The following ANKFN1 variants were observed in gnomAD, a reference collection of about 807,000 sequenced individuals.
ANKFN1 encodes ankyrin repeat and fibronectin type III domain containing 1.
Under a neutral mutation model 108.7 loss-of-function variants are expected in ANKFN1, and 74 were observed. The observed-to-expected ratio is 0.68, with a 90% CI of 0.56 to 0.83. ANKFN1 has a LOEUF of 0.83. Ranked by LOEUF, ANKFN1 falls within the 40% of genes least tolerant of loss-of-function variation. ANKFN1 has a pLI of 0.00. For missense variants in ANKFN1, 1,505 were observed against 1,382.3 expected, an observed-to-expected ratio of 1.09 and a Z score of -1.41; for synonymous variants, 547 against 516.2, an observed-to-expected ratio of 1.06 and a Z score of -0.81.
In ANKFN1 at chr17:56,374,534, G is replaced by A. The variant is rs2046894281; in HGVS notation, c.797-67G>A. The A allele has an allele frequency of 3.4e-6, 4 of 1,167,074 alleles. No individual in the cohort carries two copies. The South Asian group carries it at 5.2e-5, about 15-fold the overall frequency. The allele number at this position is 1,167,074 out of a possible 1,614,324, so 72.3% of individuals were successfully genotyped here. The stretch of plus-strand genomic sequence containing the variant: ...TATTCATTTCAGGGTATCCTTTGAA[G>A]AGGGAGGAACGTTGTTTGAAAAGGA... On this transcript the variant is annotated intron_variant, in intron 7 of 20. Coordinates refer to ENST00000682825, the MANE Select transcript of ANKFN1 (RefSeq NM_001370326.1).
chr17:56,105,300 A>C (rs1905723564), intron 4 of ANKFN1, among the ~76,000 whole-genome samples: 2 of 152,178 alleles, frequency 1.3e-5, no homozygotes, highest in African/African-American at 4.8e-5. Flanking sequence ...CTGAGAGGAC[A>C]GGCAGAGGAC....
rs967823658 is a variant in ANKFN1 at position 56,512,762 on chromosome 17, C to T, written c.*1493C>T. 6.6e-6 allele frequency among the ~76,000 whole-genome samples: 1 copy of T among 152,176 alleles called. No individual in the cohort carries two copies. Among genetic ancestry groups the T allele is most frequent in the Non-Finnish European group, 1.5e-5 (1 of 68,028 alleles). On this transcript the variant is annotated 3_prime_UTR_variant, in exon 21 of 21. Coordinates refer to ENST00000682825, the MANE Select transcript of ANKFN1 (RefSeq NM_001370326.1). ...CCCTGTTCACAATGTTATTCTGATCCCTTCCATTTTAAAAACATTTGATTT... is the reference window on the plus strand; with the variant it reads ...CCCTGTTCACAATGTTATTCTGATCTCTTCCATTTTAAAAACATTTGATTT...
intron 3 of ANKFN1, among the ~76,000 whole-genome samples, chr17:56,268,243 G>T (rs984930137): frequency 6.6e-6 from 1 of 152,062 alleles, no homozygotes; most frequent in African/African-American, 2.4e-5. Context: ...CTCTTGGACC[G>T]CAGCACAATA....
At chr17:56,457,032 A>G (rs1453043997) in intron 12 of ANKFN1, 72 bp downstream of exon 12, 2 of 1,403,434 alleles carry the variant, frequency 1.4e-6, no homozygotes, top group African/African-American at 2.9e-5. Flanking sequence ...CTGAGTAGAA[A>G]CTTGGTAGAA....
chr17:56,353,912 A>T lies in ANKFN1; in HGVS notation c.467A>T (p.Gln156Leu). The T allele has an allele frequency of 1.2e-6, 2 of 1,614,046 alleles. No homozygotes were observed. Among genetic ancestry groups the T allele is most frequent in the Non-Finnish European group, 1.7e-6 (2 of 1,179,970 alleles). Residue 156 changes from glutamine (Q) to leucine (L), a missense_variant, in exon 6 of 21, where the codon CAG becomes CTG. Physicochemically the swap from Gln to Leu is moderately radical, Grantham distance 113. Transcript: ENST00000682825. Reference protein sequence around the residue: ...DMDAVQILLYQYTPEELDLNT... With the variant: ...DMDAVQILLYLYTPEELDLNT... ...GATGCTGTGCAGATCCTCCTGTATC[A>T]GTACACACCAGAAGAACTTGACCTC...
intron 19 of ANKFN1, among the ~76,000 whole-genome samples, chr17:56,498,113 A>T (rs1389857555): frequency 6.6e-6 from 1 of 152,180 alleles, no homozygotes; most frequent in African/African-American, 2.4e-5. Flanking sequence ...ATCAAAATGG[A>T]ACAACCTAAA....
chr17:56,190,380 T>C (rs1210817498), intron 1 of ANKFN1, among the ~76,000 whole-genome samples: 1 of 111,320 alleles, frequency 9.0e-6, no homozygotes, highest in Non-Finnish European at 1.8e-5. Context: ...ACACACTGCT[T>C]TGAATGCGTC....
At chr17:56,259,108 A>G (rs1052679856) in intron 3 of ANKFN1, among the ~76,000 whole-genome samples, 1 of 152,112 alleles carries the variant, frequency 6.6e-6, no homozygotes, top group African/African-American at 2.4e-5. Context: ...AGGTACTATT[A>G]TCTCCATTTT....
intron 4 of ANKFN1, among the ~76,000 whole-genome samples, chr17:56,334,190 T>C (rs1392243159): frequency 6.6e-6 from 1 of 152,090 alleles, no homozygotes; most frequent in Non-Finnish European, 1.5e-5. Context: ...TTTACGCTGA[T>C]TTAAAGAAGG....
intron 19 of ANKFN1, among the ~76,000 whole-genome samples, chr17:56,496,955 GA>G (rs1204904012): frequency 6.6e-6 from 1 of 151,940 alleles, no homozygotes; most frequent in East Asian, 1.9e-4. Context: ...TTTGTGGGTA[GA>G]GATCTAAAGA....
intron 15 of ANKFN1, among the ~76,000 whole-genome samples, chr17:56,469,692 G>C (rs1307309899): frequency 1.3e-5 from 2 of 152,134 alleles, no homozygotes; most frequent in Non-Finnish European, 2.9e-5. Context: ...ATGAAGATAG[G>C]TGAGTTAGTA....
At position 56,501,130 on chromosome 17, in the gene ANKFN1, G is replaced by C. The variant is rs542650429; in HGVS notation, c.2644+2032G>C. On this transcript the variant is annotated intron_variant, in intron 20 of 20. Transcript: ENST00000682825. ...AGACAATAAAACAGCAAAAGGCCCT[G>C]AGGTAGGTGAGGGACAGAAAGAAGG... is the stretch of plus-strand genomic sequence containing the variant. Among the ~76,000 whole-genome samples the C allele has an allele frequency of 2.6e-5, 4 of 152,270 alleles. No individual in the cohort carries two copies. The South Asian group carries it at 6.2e-4, about 24-fold the overall frequency.
chr17:56,336,820 G>A (rs1325418684), intron 4 of ANKFN1, among the ~76,000 whole-genome samples: 2 of 151,838 alleles, frequency 1.3e-5, no homozygotes, highest in Admixed American at 6.6e-5. Flanking sequence ...TTAGGGTGTC[G>A]ATTTTAGATC....
At chr17:56,175,399 A>T (rs967604216) in intron 1 of ANKFN1, among the ~76,000 whole-genome samples, 1 of 152,248 alleles carries the variant, frequency 6.6e-6, no homozygotes, top group Admixed American at 6.5e-5. Context: ...GAAGACACTA[A>T]CACTCATGGA....
chr17:56,483,079 A>G (rs748475308), intron 18 of ANKFN1, among the ~76,000 whole-genome samples: 10 of 152,188 alleles, frequency 6.6e-5, no homozygotes, highest in African/African-American at 1.2e-4. Flanking sequence ...CTGACAGACC[A>G]TTTGAGAAAT....
At chr17:56,094,061 T>G (rs904716573) in intron 4 of ANKFN1, among the ~76,000 whole-genome samples, 1 of 151,248 alleles carries the variant, frequency 6.6e-6, no homozygotes, top group Non-Finnish European at 1.5e-5. Flanking sequence ...GTACACCGTA[T>G]GACCATAAAG....
At chr17:56,316,090 A>T (rs1399120537) in intron 3 of ANKFN1, among the ~76,000 whole-genome samples, 1 of 152,138 alleles carries the variant, frequency 6.6e-6, no homozygotes, top group Non-Finnish European at 1.5e-5. Flanking sequence ...AAGAAAGGGG[A>T]CAAAGTTTTT....
At chr17:56,123,219 T>C (rs138201532) in intron 4 of ANKFN1, among the ~76,000 whole-genome samples, 4 of 152,364 alleles carry the variant, frequency 2.6e-5, no homozygotes, top group African/African-American at 4.8e-5. Context: ...AGCTGCATTC[T>C]GTAGCCCATG....
At chr17:56,408,223 C>A (rs1417718175) in intron 8 of ANKFN1, among the ~76,000 whole-genome samples, 1 of 152,140 alleles carries the variant, frequency 6.6e-6, no homozygotes, top group African/African-American at 2.4e-5. Flanking sequence ...GCTTGAGCCA[C>A]CACACCCAGC....
Sources: allele counts gnomAD v4.1 joint callset (sites outside exome capture counted in the v4.1 genomes callset), GRCh38; gene constraint gnomAD v4.1.1; transcripts MANE v1.5; gene names NCBI Gene and HGNC (gene_info 2026-07-23, HGNC 2026-07-21).